The following TRAPPC9 variants were observed in gnomAD, a reference collection of about 807,000 sequenced individuals.
TRAPPC9 encodes trafficking protein particle complex subunit 9.
In TRAPPC9, 83 loss-of-function variants were observed where a neutral mutation model predicts 124.0. The observed-to-expected ratio is 0.67, with a 90% CI of 0.56 to 0.80. The LOEUF is 0.80. Ranked by LOEUF, TRAPPC9 falls within the 30% of genes least tolerant of loss-of-function variation. The pLI is 0.00. For missense variants in TRAPPC9, 1,302 were observed against 1,508.3 expected (o/e 0.86, Z 2.27); for synonymous variants, 638 against 617.5 (o/e 1.03, Z -0.49).
chr8:139,861,559 C>A (rs1030947118), intron 21 of TRAPPC9, among the ~76,000 whole-genome samples: 4 of 152,196 alleles, frequency 2.6e-5, no homozygotes, highest in African/African-American at 9.7e-5. Flanking sequence ...GGAAGTTAAA[C>A]TTTAAAATGG....
intron 21 of TRAPPC9, among the ~76,000 whole-genome samples, chr8:139,743,018 C>G (rs1818661981): frequency 6.6e-6 from 1 of 152,186 alleles, no homozygotes; most frequent in Non-Finnish European, 1.5e-5. Flanking sequence ...CTGCCTCACT[C>G]AGAGTGGGCT....
intron 18 of TRAPPC9, among the ~76,000 whole-genome samples, chr8:140,011,306 C>A (rs59284426): frequency 6.6e-6 from 1 of 151,576 alleles, no homozygotes; most frequent in Non-Finnish European, 1.5e-5. Context: ...TGTACCACTG[C>A]ACTCCAGCCT....
At chr8:139,737,217 G>A (rs1302454722) in intron 21 of TRAPPC9, among the ~76,000 whole-genome samples, 2 of 152,134 alleles carry the variant, frequency 1.3e-5, no homozygotes, top group Non-Finnish European at 2.9e-5. Flanking sequence ...GGGACAGAGC[G>A]GGCAGCCCAG....
intron 17 of TRAPPC9, among the ~76,000 whole-genome samples, chr8:140,036,155 TGTG>T (rs1840861711): frequency 6.6e-6 from 1 of 151,922 alleles, no homozygotes; most frequent in Admixed American, 6.5e-5. Flanking sequence ...GACCCACGCC[TGTG>T]CTCCCAACGG....
At chr8:140,334,450 C>A (rs563975213) in intron 9 of TRAPPC9, among the ~76,000 whole-genome samples, 49 of 152,134 alleles carry the variant, frequency 3.2e-4, no homozygotes, top group African/African-American at 1.2e-3. Flanking sequence ...AGGAGTTCGA[C>A]ACTAGCCTAG....
At chr8:140,123,854 C>T (rs1314757686) in intron 17 of TRAPPC9, among the ~76,000 whole-genome samples, 1 of 152,166 alleles carries the variant, frequency 6.6e-6, no homozygotes, top group South Asian at 2.1e-4. Flanking sequence ...GTGAGGAGTG[C>T]AGGTGAAATG....
At chr8:139,769,593 G>T (rs1351689078) in intron 21 of TRAPPC9, among the ~76,000 whole-genome samples, 1 of 152,194 alleles carries the variant, frequency 6.6e-6, no homozygotes. Flanking sequence ...CGAGGATAAG[G>T]GAGGACTGCT....
intron 9 of TRAPPC9, among the ~76,000 whole-genome samples, chr8:140,358,527 T>G (rs2067825128): frequency 1.3e-5 from 2 of 152,124 alleles, no homozygotes; most frequent in African/African-American, 2.4e-5. Flanking sequence ...CATTTAAACC[T>G]CACAACCACC....
At chr8:140,365,836 T>C (rs1007555658) in intron 8 of TRAPPC9, among the ~76,000 whole-genome samples, 4 of 152,258 alleles carry the variant, frequency 2.6e-5, no homozygotes, top group Non-Finnish European at 4.4e-5. Flanking sequence ...ACGTGTTTCA[T>C]AGGGGTTTAT....
At chr8:139,955,467 G>A (rs953976234) in intron 19 of TRAPPC9, among the ~76,000 whole-genome samples, 3 of 151,828 alleles carry the variant, frequency 2.0e-5, no homozygotes, top group Non-Finnish European at 2.9e-5. Context: ...GCATCAACAC[G>A]TGAAGCAAAT....
intron 10 of TRAPPC9, among the ~76,000 whole-genome samples, chr8:140,307,690 C>T (rs1009189744): frequency 2.6e-5 from 4 of 152,150 alleles, no homozygotes; most frequent in East Asian, 3.8e-4. Flanking sequence ...TTAGAGATGG[C>T]CATGAGACAC....
intron 21 of TRAPPC9, among the ~76,000 whole-genome samples, chr8:139,854,258 C>T (rs1236960109): frequency 1.3e-5 from 2 of 152,226 alleles, no homozygotes; most frequent in Non-Finnish European, 2.9e-5. Flanking sequence ...AACATCAGAA[C>T]TGAAGTCATC....
chr8:139,833,681 G>C (rs955362736), intron 21 of TRAPPC9, among the ~76,000 whole-genome samples: 2 of 152,254 alleles, frequency 1.3e-5, no homozygotes, highest in Non-Finnish European at 2.9e-5. Flanking sequence ...CAGGAAAGAG[G>C]CATTTCCAGA....
At chr8:140,352,975 T>C (rs1024645434) in intron 9 of TRAPPC9, among the ~76,000 whole-genome samples, 2 of 152,186 alleles carry the variant, frequency 1.3e-5, no homozygotes, top group East Asian at 1.9e-4. Flanking sequence ...CAGCAGACAT[T>C]GTTAGGCACT....
intron 19 of TRAPPC9, among the ~76,000 whole-genome samples, chr8:139,978,782 C>T (rs1033507397): frequency 3.9e-5 from 6 of 152,212 alleles, no homozygotes; most frequent in African/African-American, 7.2e-5. Flanking sequence ...AGGCCTGAGG[C>T]GGGTGTGGCT....
At chr8:140,415,980 T>G (rs2069916296) in intron 5 of TRAPPC9, among the ~76,000 whole-genome samples, 1 of 151,644 alleles carries the variant, frequency 6.6e-6, no homozygotes, top group Admixed American at 6.6e-5. Context: ...AAGAAAGAGC[T>G]CATGTCAACA....
intron 21 of TRAPPC9, among the ~76,000 whole-genome samples, chr8:139,838,868 G>C (rs1409196993): frequency 1.3e-5 from 2 of 152,216 alleles, no homozygotes; most frequent in Non-Finnish European, 2.9e-5. Flanking sequence ...CAGCCCTGCT[G>C]TGGAGAGGCC....
intron 2 of TRAPPC9, among the ~76,000 whole-genome samples, chr8:140,443,343 G>A (rs986920869): frequency 3.6e-4 from 55 of 151,884 alleles, no homozygotes; most frequent in African/African-American, 1.2e-3. Flanking sequence ...GGCTGAGGCA[G>A]GAGAATGGTG....
chr8:140,210,690 G>T (rs989974549), intron 17 of TRAPPC9, among the ~76,000 whole-genome samples: 1 of 152,186 alleles, frequency 6.6e-6, no homozygotes, highest in Non-Finnish European at 1.5e-5. Context: ...CTGTCCCCAA[G>T]GAAGGCCACA....
Sources: allele counts gnomAD v4.1 joint callset (sites outside exome capture counted in the v4.1 genomes callset), GRCh38; gene constraint gnomAD v4.1.1; transcripts MANE v1.5; gene names NCBI Gene and HGNC (gene_info 2026-07-23, HGNC 2026-07-21).